Variants in ASIC4 observed in about 807,000 individuals in gnomAD.
The protein encoded by ASIC4 is acid sensing ion channel subunit family member 4.
Under a neutral mutation model 53.4 loss-of-function variants are expected in ASIC4, and 28 were observed. The ratio of observed to expected loss-of-function variants is 0.52; its 90% CI spans 0.39 to 0.72. ASIC4 has a LOEUF of 0.72. Ranked by LOEUF, ASIC4 falls within the 30% of genes least tolerant of loss-of-function variation. The probability of loss-of-function intolerance (pLI) is 0.00; values close to 1 mark genes in which losing one functional copy is unlikely to be tolerated. For synonymous variants in ASIC4, 289 were observed against 301.4 expected, an observed-to-expected ratio of 0.96 and a Z score of 0.43; for missense variants, 649 against 729.7, an observed-to-expected ratio of 0.89 and a Z score of 1.27.
chr2:219,514,408 G>A (rs764758273), upstream of ASIC4: 4 of 1,548,642 alleles, frequency 2.6e-6, no homozygotes, highest in South Asian at 1.2e-5. Flanking sequence ...TCGCTCACTC[G>A]CTCGCTCGCA....
intron 1 of ASIC4, among the ~76,000 whole-genome samples, chr2:219,520,647 T>C (rs3755065): frequency 0.29 from 44,080 of 152,184 alleles, 7,303 homozygotes; most frequent in African/African-American, 0.46. Context: ...AAGCCTCTTA[T>C]CTACCGCACA....
chr2:219,527,121 C>T (rs577448221), intron 1 of ASIC4, among the ~76,000 whole-genome samples: 2 of 152,318 alleles, frequency 1.3e-5, no homozygotes, highest in Admixed American at 6.5e-5. Flanking sequence ...GCAGAGCTGC[C>T]GTGCCGTCTC....
In ASIC4 at chr2:219,514,888, G is replaced by C; in HGVS notation, c.164G>C (p.Gly55Ala). Residue 55 changes from glycine to alanine, a missense_variant, in exon 1 of 10, where the codon GGC becomes GCC. Transcript: ENST00000358078. ...AGCACCAGCACCCTGCATGGACTGG[G>C]CCGGGCCTGTGGCCCAGGCCCCCAC... ...FASTSTLHGL[G>A]RACGPGPHGL... 2 of 1,612,758 alleles carry C rather than the reference G, an allele frequency of 1.2e-6. No individual in the cohort carries two copies. Among genetic ancestry groups the C allele is most frequent in the Admixed American group, 3.3e-5 (2 of 59,970 alleles).
intron 1 of ASIC4, among the ~76,000 whole-genome samples, chr2:219,530,128 C>T (rs1337703970): frequency 6.6e-6 from 1 of 152,114 alleles, no homozygotes; most frequent in Non-Finnish European, 1.5e-5. Context: ...GGAGGGGGAG[C>T]GGGAGAGAGT....
intron 1 of ASIC4, among the ~76,000 whole-genome samples, chr2:219,525,810 G>A (rs1022052553): frequency 2.0e-5 from 3 of 152,242 alleles, no homozygotes; most frequent in African/African-American, 7.2e-5. Flanking sequence ...GGACCTAGGG[G>A]CAGAAGAATT....
At chr2:219,528,530 T>TTTG (rs751278104) in intron 1 of ASIC4, among the ~76,000 whole-genome samples, 36 of 150,478 alleles carry the variant, frequency 2.4e-4, no homozygotes, top group Middle Eastern at 6.9e-3. Context: ...GTCTGGACTT[T>TTTG]TTGTTGTTGT....
intron 1 of ASIC4, among the ~76,000 whole-genome samples, chr2:219,531,506 G>A (rs572865367): frequency 4.6e-5 from 7 of 152,332 alleles, no homozygotes; most frequent in Non-Finnish European, 8.8e-5. Flanking sequence ...GGAGGAAAAC[G>A]GTGGGGGGAA....
rs760163858 is a variant in ASIC4, at chr2:219,515,318, C to T, written c.582+12C>T. The T allele has an allele frequency of 6.3e-7, 1 of 1,599,112 alleles. No homozygotes were observed. The highest frequency in any genetic ancestry group is 1.7e-5 in the Admixed American group (1 of 59,470). ...GCAACTTCTCTGTGGTGAGTTCTGC[C>T]AGCTGGGCTGCCTGGCCTTGGATGG... On this transcript the variant is annotated intron_variant, in intron 1 of 9. Coordinates refer to ENST00000358078, the MANE Select transcript of ASIC4 (RefSeq NM_018674.6).
chr2:219,531,754 C>G lies in ASIC4; in HGVS notation c.583-4C>G, dbSNP rs772326547. The stretch of plus-strand genomic sequence containing the variant: ...CCCTCCTGCTCTCTCACCCCACCTC[C>G]CAGGTCTATACTCGCTATGGGAAGT... On this transcript the variant is annotated splice_polypyrimidine_tract_variant and splice_region_variant and intron_variant, in intron 1 of 9. Transcript: ENST00000358078. 2 of 1,579,086 alleles carry G rather than the reference C, an allele frequency of 1.3e-6. No individual in the cohort carries two copies. Among genetic ancestry groups the G allele is most frequent in the Non-Finnish European group, 1.7e-6 (2 of 1,162,104 alleles).
intron 1 of ASIC4, 85 bp downstream of exon 1, chr2:219,515,391 C>T: frequency 1.4e-6 from 2 of 1,478,598 alleles, no homozygotes; most frequent in Admixed American, 2.0e-5. Flanking sequence ...TGTACAGGGG[C>T]ATCCTCAACA....
intron 1 of ASIC4, among the ~76,000 whole-genome samples, chr2:219,530,758 G>A (rs550934537): frequency 8.4e-4 from 128 of 152,344 alleles, no homozygotes; most frequent in Middle Eastern, 3.4e-3. Context: ...GAGTCCAGGT[G>A]TCTGAACTTG....
At chr2:219,514,481 C>G, upstream of ASIC4, 1 of 1,550,632 alleles carries the variant, frequency 6.4e-7, no homozygotes, top group Non-Finnish European at 8.7e-7. Flanking sequence ...AGGAGACGAT[C>G]GAGGAGAGAG....
chr2:219,510,273 T>C (rs897729726), upstream of ASIC4, among the ~76,000 whole-genome samples: 31 of 150,840 alleles, frequency 2.1e-4, 1 homozygote, highest in African/African-American at 6.8e-4. The surrounding 1 kb of genome is among the most constrained non-coding windows in gnomAD (Gnocchi z 5.2). Flanking sequence ...CCGCCTTATC[T>C]GCTCCCAGCA....
intron 1 of ASIC4, among the ~76,000 whole-genome samples, chr2:219,525,714 G>A (rs2125662256): frequency 6.6e-6 from 1 of 152,320 alleles, no homozygotes; most frequent in Admixed American, 6.5e-5. Flanking sequence ...CCTGAATAAA[G>A]CTAGGCCCTG....
In ASIC4 at chr2:219,537,783, A is replaced by G; in HGVS notation, c.1506+47A>G. The G allele has an allele frequency of 6.4e-7, 1 of 1,562,698 alleles. No homozygotes were observed. The highest frequency in any genetic ancestry group is 8.7e-7 in the Non-Finnish European group (1 of 1,145,274). On this transcript the variant is annotated intron_variant, in intron 9 of 9. Transcript: ENST00000358078. This position sits in a 1 kb window ranked among gnomAD's most constrained non-coding sequence, Gnocchi z 4.9. ...CTGCAGCATGCAGCCACACCTCCCC[A>G]GGACTGAATACATCCATTGTTTCTG...
upstream of ASIC4, chr2:219,514,065 G>T (rs975195235): frequency 2.3e-6 from 1 of 442,250 alleles, no homozygotes; most frequent in Non-Finnish European, 4.0e-6. Flanking sequence ...GATAGAGTTG[G>T]CTGACCCTTC....
At position 219,532,943 on chromosome 2, in the gene ASIC4, C is replaced by A; in HGVS notation, c.1075+4C>A. ...GAGTGTGCAGACCACACACTGGGTC[C>A]GTGCTGCCTACCCTTTCCTACCTCT... is the stretch of plus-strand genomic sequence containing the variant. On this transcript the variant is annotated splice_donor_region_variant and intron_variant, in intron 5 of 9. Coordinates refer to ENST00000358078, the MANE Select transcript of ASIC4 (RefSeq NM_018674.6). 1 of 1,613,866 alleles carries A rather than the reference C, an allele frequency of 6.2e-7. No individual in the cohort carries two copies. The highest frequency in any genetic ancestry group is 1.1e-5 in the South Asian group (1 of 91,082).
intron 5 of ASIC4, chr2:219,533,254 T>C (rs1695073234): frequency 4.1e-6 from 2 of 486,538 alleles, no homozygotes; most frequent in East Asian, 7.1e-5. Flanking sequence ...ACTTCTCTCT[T>C]GGTCTCAGGA....
intron 1 of ASIC4, among the ~76,000 whole-genome samples, chr2:219,528,028 C>T (rs138838424): frequency 1.7e-3 from 262 of 152,382 alleles, no homozygotes; most frequent in African/African-American, 6.2e-3. Context: ...GAGCTCATAA[C>T]GTGGGTACCC....
Sources: allele counts gnomAD v4.1 joint callset (sites outside exome capture counted in the v4.1 genomes callset), GRCh38; gene constraint gnomAD v4.1.1; non-coding constraint Gnocchi (gnomAD v3.1); transcripts MANE v1.5; gene names NCBI Gene and HGNC (gene_info 2026-07-23, HGNC 2026-07-21).